The following AIM2 variants were observed in gnomAD, a reference collection of about 807,000 sequenced individuals.
AIM2 encodes interferon-inducible protein AIM2.
Under a neutral mutation model 27.7 loss-of-function variants are expected in AIM2, and 30 were observed. The ratio of observed to expected loss-of-function variants is 1.08; its 90% confidence interval spans 0.81 to 1.47. AIM2 has a LOEUF of 1.47. Among genes scored for constraint, AIM2 ranks in the 40% most tolerant of loss-of-function variants. The pLI, the probability that AIM2 is intolerant of heterozygous loss-of-function variation, is 0.00. For synonymous variants in AIM2, 141 were observed against 145.3 expected (o/e 0.97, Z 0.21); for missense variants, 358 against 411.3 (o/e 0.87, Z 1.12).
At chr1:159,141,398 C>T (rs778734102), upstream of AIM2, among the ~76,000 whole-genome samples, 1 of 152,046 alleles carries the variant, frequency 6.6e-6, no homozygotes, top group Non-Finnish European at 1.5e-5. Flanking sequence ...CAGAGAGAAG[C>T]AGCAGACATC....
chr1:159,073,181 G>C (rs1182203492), intron 2 of AIM2, 57 bp downstream of exon 2: 1 of 1,598,454 alleles, frequency 6.3e-7, no homozygotes, highest in Admixed American at 1.7e-5. Flanking sequence ...GCCATGAAAG[G>C]AAAGGCCCAG....
intron 2 of AIM2, among the ~76,000 whole-genome samples, chr1:159,070,909 C>T (rs1349772650): frequency 6.6e-6 from 1 of 152,154 alleles, no homozygotes; most frequent in African/African-American, 2.4e-5. Flanking sequence ...ATCAACCTAC[C>T]ATTCTACCAC....
chr1:159,087,510 C>T (rs2102005545), intron 1 of AIM2, among the ~76,000 whole-genome samples: 1 of 151,854 alleles, frequency 6.6e-6, no homozygotes, highest in East Asian at 1.9e-4. Flanking sequence ...TCTTAATAAC[C>T]TATGATGCCA....
At chr1:159,078,472 A>C (rs567862272), upstream of AIM2, among the ~76,000 whole-genome samples, 16 of 152,350 alleles carry the variant, frequency 1.1e-4, no homozygotes, top group South Asian at 3.3e-3. Flanking sequence ...CCTACTGAGT[A>C]AACGAGAGAA....
chr1:159,070,428 G>T (rs551058799), intron 2 of AIM2, among the ~76,000 whole-genome samples: 2 of 152,120 alleles, frequency 1.3e-5, no homozygotes, highest in African/African-American at 2.4e-5. Context: ...GCTCCTCCAC[G>T]TCTATGGTCA....
intron 1 of AIM2, among the ~76,000 whole-genome samples, chr1:159,125,573 T>C (rs961820349): frequency 1.3e-5 from 2 of 152,300 alleles, no homozygotes; most frequent in African/African-American, 4.8e-5. Context: ...AACAGATGAA[T>C]TTAGACAGAT....
At chr1:159,133,068 G>A (rs910398442) in intron 1 of AIM2, among the ~76,000 whole-genome samples, 1 of 152,248 alleles carries the variant, frequency 6.6e-6, no homozygotes, top group South Asian at 2.1e-4. Flanking sequence ...CAAGGGTCAC[G>A]GAGGAGCTGG....
At chr1:159,098,892 A>G (rs1657257061) in intron 1 of AIM2, among the ~76,000 whole-genome samples, 1 of 152,220 alleles carries the variant, frequency 6.6e-6, no homozygotes, top group African/African-American at 2.4e-5. Flanking sequence ...GATGAGTGCT[A>G]TGGAGAAAAA....
At chr1:159,142,954 G>A (rs1648140351), upstream of AIM2, among the ~76,000 whole-genome samples, 1 of 152,034 alleles carries the variant, frequency 6.6e-6, no homozygotes, top group South Asian at 2.1e-4. Flanking sequence ...ATAAAAGCAG[G>A]GAGCCAACTC....
intron 1 of AIM2, among the ~76,000 whole-genome samples, chr1:159,133,094 C>T (rs1647935205): frequency 6.6e-6 from 1 of 152,216 alleles, no homozygotes; most frequent in Non-Finnish European, 1.5e-5. Flanking sequence ...CAGCTACCCA[C>T]TGCTAATGCC....
intron 1 of AIM2, among the ~76,000 whole-genome samples, chr1:159,119,130 C>T (rs1019190518): frequency 2.0e-5 from 3 of 152,068 alleles, no homozygotes; most frequent in African/African-American, 7.2e-5. Flanking sequence ...AAGCATGAGA[C>T]ACCTCCCTAA....
At chr1:159,066,398 C>T (rs1656097142) in intron 3 of AIM2, 69 bp from the exon 4 acceptor site, 1 of 1,489,682 alleles carries the variant, frequency 6.7e-7, no homozygotes, top group African/African-American at 1.4e-5. Context: ...CTTACTTCAC[C>T]TACAGTGCTA....
chr1:159,085,994 C>T (rs1395984640), intron 1 of AIM2, among the ~76,000 whole-genome samples: 13 of 152,110 alleles, frequency 8.5e-5, no homozygotes, highest in East Asian at 1.9e-4. Flanking sequence ...CAAAACATCA[C>T]GTTGTATACT....
intron 1 of AIM2, among the ~76,000 whole-genome samples, chr1:159,118,618 T>C (rs943323808): frequency 1.3e-5 from 2 of 152,216 alleles, no homozygotes; most frequent in Admixed American, 6.5e-5. Context: ...CTCATTCTAA[T>C]AGAATATTAG....
At chr1:159,062,407 CA>C, downstream of AIM2, 1 of 448,752 alleles carries the variant, frequency 2.2e-6, no homozygotes, top group South Asian at 3.0e-5. Flanking sequence ...TTTGTATAAA[CA>C]TCATATAATA....
At chr1:159,101,260 T>C (rs1373806801) in intron 1 of AIM2, among the ~76,000 whole-genome samples, 1 of 152,192 alleles carries the variant, frequency 6.6e-6, no homozygotes, top group Non-Finnish European at 1.5e-5. Context: ...GATGGTTTTA[T>C]GTGTCTGGCA....
intron 1 of AIM2, among the ~76,000 whole-genome samples, chr1:159,095,870 CA>C (rs1226213898): frequency 6.6e-6 from 1 of 152,078 alleles, no homozygotes; most frequent in Non-Finnish European, 1.5e-5. Flanking sequence ...TATGGATGTT[CA>C]TTTTTCATTT....
Position 159,138,865 on chromosome 1 carries a change from C to T in AIM2, c.-16+1566G>A, listed in dbSNP as rs74739656. On this transcript the variant is annotated intron_variant, in intron 1 of 2. Coordinates refer to the AIM2 transcript ENST00000368129. ...CATACTTTTCAATTAATGATCAGCTCCAGCATCTCTGAAGTATTTGAGTCC... is the reference window on the plus strand; with the variant it reads ...CATACTTTTCAATTAATGATCAGCTTCAGCATCTCTGAAGTATTTGAGTCC... Among the ~76,000 whole-genome samples, 1,337 of 152,260 alleles carry T rather than the reference C, an allele frequency of 8.8e-3. 26 individuals carry two copies. The highest frequency in any genetic ancestry group is 0.029 in the African/African-American group (1,221 of 41,528).
intron 1 of AIM2, among the ~76,000 whole-genome samples, chr1:159,083,535 A>G (rs1656830115): frequency 6.6e-6 from 1 of 152,230 alleles, no homozygotes; most frequent in African/African-American, 2.4e-5. Context: ...AATTTAAAAC[A>G]TAAATAGCTC....
Sources: allele counts gnomAD v4.1 joint callset (sites outside exome capture counted in the v4.1 genomes callset), GRCh38; gene constraint gnomAD v4.1.1; transcripts MANE v1.5; gene names NCBI Gene and HGNC (gene_info 2026-07-23, HGNC 2026-07-21).